The following ARHGAP15 variants were observed in gnomAD, a reference collection of about 807,000 sequenced individuals.
ARHGAP15 encodes the protein rho GTPase-activating protein 15.
In ARHGAP15, 51 loss-of-function variants were observed where a neutral mutation model predicts 63.7. That is an observed-to-expected ratio of 0.80 (90% confidence interval 0.64 to 1.01). ARHGAP15 has a LOEUF of 1.01. ARHGAP15 is among the 50% of genes least tolerant of loss of function. The pLI, the probability that ARHGAP15 is intolerant of heterozygous loss-of-function variation, is 0.00. For missense variants in ARHGAP15, 560 were observed against 564.6 expected (o/e 0.99, Z 0.08); for synonymous variants, 191 against 193.8 (o/e 0.99, Z 0.12).
intron 10 of ARHGAP15, among the ~76,000 whole-genome samples, chr2:143,535,700 C>A (rs1694724822): frequency 1.3e-5 from 2 of 152,154 alleles, no homozygotes; most frequent in South Asian, 4.1e-4. Context: ...TATGGATTTC[C>A]TAACATTCAA....
chr2:143,265,102 G>T (rs927451017), intron 6 of ARHGAP15, among the ~76,000 whole-genome samples: 4 of 152,146 alleles, frequency 2.6e-5, no homozygotes, highest in Non-Finnish European at 5.9e-5. Context: ...ATATAATTTG[G>T]CTTGAAAAGT....
chr2:143,487,479 A>G lies in ARHGAP15; in HGVS notation c.810A>G (p.Glu270=). The part of the protein sequence containing the change: ...TRRPSLKTLQ[E]KGLIKDQIFG... ...GACCTTCCCTGAAAACTCTGCAAGA[A>G]AAAGGACTTATTAAAGGTACAGGTC... The change falls in exon 9 of 14, where the codon GAA becomes GAG. Residue 270 remains glutamate, a synonymous_variant. Coordinates refer to ENST00000295095, the MANE Select transcript of ARHGAP15 (RefSeq NM_018460.4). The G allele has an allele frequency of 6.2e-7, 1 of 1,612,638 alleles. No homozygotes were observed. The highest frequency in any genetic ancestry group is 8.5e-7 in the Non-Finnish European group (1 of 1,179,568).
chr2:143,467,884 G>A lies in ARHGAP15; in HGVS notation c.704-19489G>A, dbSNP rs145887994. On this transcript the variant is annotated intron_variant, in intron 8 of 13. Transcript: ENST00000295095. ...AAATTATTTGTACTATATAATCATT[G>A]TTTCCTTTTTTATATTGCACAGATC... is the stretch of plus-strand genomic sequence containing the variant. 1.3e-3 allele frequency among the ~76,000 whole-genome samples: 199 copies of A among 152,178 alleles called. 1 individual carries two copies. The highest frequency in any genetic ancestry group is 4.3e-3 in the African/African-American group (180 of 41,550).
chr2:143,423,368 A>AT (rs1689011939), intron 6 of ARHGAP15, among the ~76,000 whole-genome samples: 1 of 152,034 alleles, frequency 6.6e-6, no homozygotes, highest in African/African-American at 2.4e-5. Flanking sequence ...TAAGCCTTTC[A>AT]TTATGTGGAT....
chr2:143,581,157 T>G (rs1448826516), intron 11 of ARHGAP15, among the ~76,000 whole-genome samples: 1 of 152,130 alleles, frequency 6.6e-6, no homozygotes, highest in East Asian at 1.9e-4. Context: ...TCAGGCATAC[T>G]CGATGGACTA....
intron 6 of ARHGAP15, among the ~76,000 whole-genome samples, chr2:143,343,390 G>T (rs149228495): frequency 0.012 from 1,835 of 152,070 alleles, 22 homozygotes; most frequent in Non-Finnish European, 0.016. Flanking sequence ...TGGTCAGAAA[G>T]GGTCAGAGAA....
intron 9 of ARHGAP15, among the ~76,000 whole-genome samples, chr2:143,496,167 G>C (rs915981346): frequency 6.6e-6 from 1 of 152,018 alleles, no homozygotes; most frequent in South Asian, 2.1e-4. Flanking sequence ...TTATTTAAAG[G>C]CTCTTGGGAG....
intron 12 of ARHGAP15, among the ~76,000 whole-genome samples, chr2:143,628,691 C>G (rs1698940644): frequency 6.6e-6 from 1 of 152,150 alleles, no homozygotes; most frequent in Non-Finnish European, 1.5e-5. Context: ...CCTGATGTGT[C>G]TACTTTCTTG....
chr2:143,720,799 G>A (rs1247853021), intron 13 of ARHGAP15, among the ~76,000 whole-genome samples: 1 of 152,118 alleles, frequency 6.6e-6, no homozygotes, highest in Non-Finnish European at 1.5e-5. Context: ...GTCGGGCACG[G>A]TGGCTCACGC....
intron 6 of ARHGAP15, among the ~76,000 whole-genome samples, chr2:143,430,271 A>G (rs1056905163): frequency 6.6e-6 from 1 of 151,916 alleles, no homozygotes; most frequent in African/African-American, 2.4e-5. Flanking sequence ...ATGCTTTAAC[A>G]AGTAACATTT....
At chr2:143,442,106 A>T (rs2105108093) in intron 8 of ARHGAP15, among the ~76,000 whole-genome samples, 1 of 152,326 alleles carries the variant, frequency 6.6e-6, no homozygotes, top group South Asian at 2.1e-4. Flanking sequence ...CCTGCAAAGT[A>T]TCATGACCAT....
At chr2:143,166,005 G>GAAAGAAA (rs1553442885) in intron 2 of ARHGAP15, among the ~76,000 whole-genome samples, 9 of 39,200 alleles carry the variant, frequency 2.3e-4, no homozygotes, top group Non-Finnish European at 3.5e-4. Flanking sequence ...AAAGAAAGAA[G>GAAAGAAA]GAAGGAAGGA....
intron 6 of ARHGAP15, among the ~76,000 whole-genome samples, chr2:143,274,682 C>T (rs1331919868): frequency 2.0e-5 from 3 of 152,174 alleles, no homozygotes; most frequent in South Asian, 2.1e-4. Context: ...CACAAGACAA[C>T]ACATCGTGTT....
intron 4 of ARHGAP15, among the ~76,000 whole-genome samples, chr2:143,226,826 T>G (rs1268246486): frequency 6.6e-6 from 1 of 152,262 alleles, no homozygotes; most frequent in Non-Finnish European, 1.5e-5. Flanking sequence ...CAATGGTGTA[T>G]CATTAAGAAA....
chr2:143,541,281 AT>A (rs1050359970), intron 10 of ARHGAP15, among the ~76,000 whole-genome samples: 1 of 151,756 alleles, frequency 6.6e-6, no homozygotes, highest in African/African-American at 2.4e-5. Context: ...CATTCGTCTA[AT>A]TTTTTTTCAA....
intron 6 of ARHGAP15, among the ~76,000 whole-genome samples, chr2:143,371,494 G>A (rs554449308): frequency 3.3e-5 from 5 of 152,048 alleles, no homozygotes; most frequent in South Asian, 4.1e-4. Flanking sequence ...CTATCTATCC[G>A]TCTTCGTCTC....
At chr2:143,588,103 C>T (rs1047698320) in intron 11 of ARHGAP15, among the ~76,000 whole-genome samples, 2 of 152,144 alleles carry the variant, frequency 1.3e-5, no homozygotes, top group Non-Finnish European at 2.9e-5. Context: ...ATAAATTCCT[C>T]CCACTCATTA....
intron 6 of ARHGAP15, among the ~76,000 whole-genome samples, chr2:143,412,578 C>A (rs901139794): frequency 2.0e-5 from 3 of 152,046 alleles, no homozygotes; most frequent in African/African-American, 7.2e-5. Flanking sequence ...TTAAAAATCA[C>A]CTTTTTGGGG....
chr2:143,456,276 C>T (rs1307969891), intron 8 of ARHGAP15, among the ~76,000 whole-genome samples: 2 of 152,002 alleles, frequency 1.3e-5, no homozygotes, highest in South Asian at 4.1e-4. Flanking sequence ...TATAACAGTC[C>T]ATACAACTTG....
Sources: gnomAD v4.1 joint callset for allele counts (sites outside exome capture counted in the v4.1 genomes callset) on GRCh38, gnomAD v4.1.1 for gene constraint, MANE v1.5 for transcripts, NCBI Gene and HGNC (gene_info 2026-07-23, HGNC 2026-07-21) for gene names.